The following ZNF423 variants were observed in gnomAD, a reference collection of about 807,000 sequenced individuals.
ZNF423 encodes zinc finger protein 423, also known as Ebf-associated zinc finger protein.
ZNF423 carries 12 observed loss-of-function variants against 95.8 expected under a neutral mutation model. The ratio of observed to expected loss-of-function variants is 0.13; its 90% CI spans 0.08 to 0.20. The LOEUF is 0.20. Ranked by LOEUF, ZNF423 falls within the 10% of genes least tolerant of loss-of-function variation. The pLI, the probability that ZNF423 is intolerant of heterozygous loss-of-function variation, is 1.00. For synonymous variants in ZNF423, 749 were observed against 711.9 expected, an observed-to-expected ratio of 1.05 and a Z score of -0.83; for missense variants, 1,316 against 1,737.1, an observed-to-expected ratio of 0.76 and a Z score of 4.31.
At chr16:49,543,472 T>C (rs925057333) in intron 5 of ZNF423, among the ~76,000 whole-genome samples, 1 of 152,226 alleles carries the variant, frequency 6.6e-6, no homozygotes, top group African/African-American at 2.4e-5. Context: ...TCCGTCCTTC[T>C]GCTGCCCCCG....
intron 1 of ZNF423, among the ~76,000 whole-genome samples, chr16:49,828,221 G>C (rs1165417980): frequency 6.6e-6 from 1 of 152,152 alleles, no homozygotes; most frequent in Non-Finnish European, 1.5e-5. Flanking sequence ...CTTACGGGAG[G>C]CTCAGCCATC....
chr16:49,851,789 G>C (rs1298425678), intron 1 of ZNF423, among the ~76,000 whole-genome samples: 3 of 152,200 alleles, frequency 2.0e-5, no homozygotes, highest in Admixed American at 2.0e-4. Flanking sequence ...TTTTTGCAAG[G>C]AAACAGGTGT....
At chr16:49,821,804 C>T (rs975578211) in intron 1 of ZNF423, among the ~76,000 whole-genome samples, 2 of 152,140 alleles carry the variant, frequency 1.3e-5, no homozygotes, top group Non-Finnish European at 2.9e-5. Flanking sequence ...GGAGGCCACA[C>T]GGGGCTCCCC....
intron 5 of ZNF423, among the ~76,000 whole-genome samples, chr16:49,600,076 T>G (rs1257508175): frequency 1.3e-5 from 2 of 152,148 alleles, no homozygotes. Flanking sequence ...ATCCCAGCAC[T>G]TTGGGAGGCT....
chr16:49,721,516 G>A (rs1486452357), intron 3 of ZNF423, among the ~76,000 whole-genome samples: 6 of 152,060 alleles, frequency 3.9e-5, no homozygotes, highest in African/African-American at 1.2e-4. Context: ...GGAGGACACC[G>A]GAAGCTTTGG....
At chr16:49,776,777 C>A (rs539140893) in intron 2 of ZNF423, among the ~76,000 whole-genome samples, 1 of 152,276 alleles carries the variant, frequency 6.6e-6, no homozygotes, top group African/African-American at 2.4e-5. Context: ...GGGTGCAAAT[C>A]TTTGGATGGA....
intron 1 of ZNF423, among the ~76,000 whole-genome samples, chr16:49,819,547 A>T (rs2034908494): frequency 1.3e-5 from 2 of 152,032 alleles, no homozygotes; most frequent in African/African-American, 2.4e-5. Context: ...TCCTAGGTTC[A>T]AGCGATTCTC....
chr16:49,788,772 T>A (rs907014038), intron 2 of ZNF423, among the ~76,000 whole-genome samples: 6 of 152,226 alleles, frequency 3.9e-5, no homozygotes, highest in Non-Finnish European at 8.8e-5. Context: ...GGGGCATCAC[T>A]GCCAAGAGAG....
intron 2 of ZNF423, among the ~76,000 whole-genome samples, chr16:49,748,248 C>T (rs1268549270): frequency 6.6e-6 from 1 of 152,212 alleles, no homozygotes; most frequent in Non-Finnish European, 1.5e-5. Flanking sequence ...TAAAGTCATG[C>T]ACATCATTCC....
intron 3 of ZNF423, among the ~76,000 whole-genome samples, chr16:49,674,339 T>A (rs1047893963): frequency 1.5e-4 from 23 of 152,104 alleles, no homozygotes; most frequent in African/African-American, 5.3e-4. Flanking sequence ...GGTGTGTGTG[T>A]GTGCAGAGCA....
At chr16:49,648,916 G>C (rs138628861) in intron 3 of ZNF423, among the ~76,000 whole-genome samples, 1 of 152,250 alleles carries the variant, frequency 6.6e-6, no homozygotes, top group African/African-American at 2.4e-5. Context: ...GACAAAAGTA[G>C]AGAAGGGATT....
Position 49,525,568 on chromosome 16 carries a change from A to C in ZNF423, c.3602-74T>G, listed in dbSNP as rs1597050635. The C allele has an allele frequency of 5.7e-6, 9 of 1,591,854 alleles. No homozygotes were observed. In the South Asian group the frequency reaches 9.1e-5, roughly 16 times the overall value. The stretch of plus-strand genomic sequence containing the variant: ...CAGACAGGTGCTCACAAGGCCTCCC[A>C]TAGACCCCAGCACTAACCCCCCTCC... On this transcript the variant is annotated intron_variant, in intron 5 of 7. Transcript: ENST00000563137.
intron 7 of ZNF423, among the ~76,000 whole-genome samples, chr16:49,495,411 C>T (rs1323679971): frequency 6.6e-6 from 1 of 152,094 alleles, no homozygotes; most frequent in Non-Finnish European, 1.5e-5. Flanking sequence ...CTGGTGAGAC[C>T]CACAAAAAGA....
Position 49,637,623 on chromosome 16 carries a change from G to T in ZNF423, c.1553C>A (p.Pro518His). 6.2e-7 allele frequency: 1 copy of T among 1,614,034 alleles called. No individual in the cohort carries two copies. The highest frequency in any genetic ancestry group is 8.5e-7 in the Non-Finnish European group (1 of 1,180,040). The change falls in exon 4 of 8, where the codon CCC (proline) becomes CAC (histidine). Residue 518 changes from proline (P) to histidine (H), a missense_variant. This residue lies in a region of ZNF423 where 399 missense variants were observed against 478.5 expected (regional missense o/e 0.83). Coordinates refer to ENST00000563137, the MANE Select transcript of ZNF423 (RefSeq NM_001379286.1). This position sits in a 1 kb window ranked among gnomAD's most constrained non-coding sequence, Gnocchi z 5.6. ...RVSHCGPNANPSDGNNAFFCN... is the reference protein window; with the variant it reads ...RVSHCGPNANHSDGNNAFFCN... ...GAAGAAAGCATTATTACCGTCAGAGGGGTTGGCGTTGGGGCCGCAGTGGGA... is the reference window on the plus strand; with the variant it reads ...GAAGAAAGCATTATTACCGTCAGAGTGGTTGGCGTTGGGGCCGCAGTGGGA...
chr16:49,538,145 G>A (rs7192295), intron 5 of ZNF423, among the ~76,000 whole-genome samples: 54,472 of 152,104 alleles, frequency 0.36, 10,854 homozygotes, highest in African/African-American at 0.53. Context: ...GACAGGCAGA[G>A]GGGGACTGGG....
chr16:49,648,302 T>A (rs1273554317), intron 3 of ZNF423, among the ~76,000 whole-genome samples: 2 of 152,124 alleles, frequency 1.3e-5, no homozygotes, highest in African/African-American at 4.8e-5. Context: ...GTGGAAGGTA[T>A]GGGCTGGTTT....
At chr16:49,776,348 C>A (rs1333753617) in intron 2 of ZNF423, among the ~76,000 whole-genome samples, 1 of 152,220 alleles carries the variant, frequency 6.6e-6, no homozygotes, top group Non-Finnish European at 1.5e-5. Flanking sequence ...CAGCTTCCTG[C>A]CCCATTCCAA....
intron 1 of ZNF423, among the ~76,000 whole-genome samples, chr16:49,823,571 A>G (rs1466119346): frequency 6.6e-6 from 1 of 152,124 alleles, no homozygotes; most frequent in African/African-American, 2.4e-5. Flanking sequence ...GAGATTATGG[A>G]TAATTTGTTT....
At chr16:49,570,389 C>A (rs1469349819) in intron 5 of ZNF423, among the ~76,000 whole-genome samples, 2 of 152,112 alleles carry the variant, frequency 1.3e-5, no homozygotes, top group Non-Finnish European at 2.9e-5. Flanking sequence ...TGCACCATGG[C>A]CACAGAGCAC....
Sources: gnomAD v4.1 joint callset for allele counts (sites outside exome capture counted in the v4.1 genomes callset) on GRCh38, gnomAD v4.1.1 for gene constraint, gnomAD v4.1.1 regional missense constraint, Gnocchi (gnomAD v3.1) non-coding constraint, MANE v1.5 for transcripts, NCBI Gene and HGNC (gene_info 2026-07-23, HGNC 2026-07-21) for gene names.